The following PMS1 variants were observed in gnomAD, a reference collection of about 807,000 sequenced individuals.
PMS1 encodes the protein PMS1 protein homolog 1.
In PMS1, 79 loss-of-function variants were observed where a neutral mutation model predicts 93.1. The observed-to-expected ratio is 0.85, with a 90% confidence interval of 0.71 to 1.02. The LOEUF (loss-of-function observed/expected upper bound fraction) is 1.02. Ranked by LOEUF, PMS1 falls within the 50% of genes least tolerant of loss-of-function variation. PMS1 has a pLI of 0.00. For missense variants in PMS1, 1,064 were observed against 1,085.3 expected, an observed-to-expected ratio of 0.98 and a Z score of 0.28; for synonymous variants, 335 against 363.4, an observed-to-expected ratio of 0.92 and a Z score of 0.89.
intron 5 of PMS1, among the ~76,000 whole-genome samples, chr2:189,838,533 C>G (rs1399595505): frequency 6.6e-6 from 1 of 152,054 alleles, no homozygotes; most frequent in Non-Finnish European, 1.5e-5. Context: ...TACCACCATT[C>G]CAGTTTCCCA....
At chr2:189,825,199 GA>G (rs781569336) in intron 5 of PMS1, among the ~76,000 whole-genome samples, 6 of 152,130 alleles carry the variant, frequency 3.9e-5, no homozygotes, top group Non-Finnish European at 5.9e-5. Context: ...GGTTATGTTA[GA>G]AAGAGGTATT....
At chr2:189,874,511 G>T (rs2057400088) in intron 12 of PMS1, among the ~76,000 whole-genome samples, 3 of 152,150 alleles carry the variant, frequency 2.0e-5, no homozygotes, top group African/African-American at 7.2e-5. Context: ...ATATAAGATA[G>T]TAGCAGGAAA....
chr2:189,860,800 A>ATTTTTTTTTTTTTTT lies in PMS1; in HGVS notation c.1857-2918_1857-2904dup, dbSNP rs1158514130. On this transcript the variant is annotated intron_variant, in intron 9 of 12. Transcript: ENST00000441310. Reference sequence around the variant, plus strand: ...CTAAAATCTTCTATATCTTTGAGGAATTTTTTTTTTTTTTTTTTTTTTTTT... The same window carrying ATTTTTTTTTTTTTTT: ...CTAAAATCTTCTATATCTTTGAGGAATTTTTTTTTTTTTTTTTTTTTTTTTTTTTTTTTTTTTTTT... 7.3e-5 allele frequency among the ~76,000 whole-genome samples: 3 copies of ATTTTTTTTTTTTTTT among 41,028 alleles called. 1 individual carries two copies. Among genetic ancestry groups the ATTTTTTTTTTTTTTT allele is most frequent in the Non-Finnish European group, 9.3e-5 (2 of 21,488 alleles). 26.9% of individuals were successfully genotyped at this position (41,028 alleles called of 152,430 possible).
intron 3 of PMS1, among the ~76,000 whole-genome samples, chr2:189,798,757 ATTTT>A (rs757864750): frequency 0.014 from 1,088 of 79,918 alleles, 11 homozygotes; most frequent in African/African-American, 0.045. Flanking sequence ...TAAGTATTTG[ATTTT>A]TTTTTTTTTT....
At chr2:189,821,785 G>A (rs1236393912) in intron 5 of PMS1, among the ~76,000 whole-genome samples, 3 of 152,096 alleles carry the variant, frequency 2.0e-5, no homozygotes, top group Non-Finnish European at 4.4e-5. Context: ...CTCCAGCCTG[G>A]GCGACAGAGT....
At chr2:189,786,969 C>G (rs1188893429) in intron 1 of PMS1, among the ~76,000 whole-genome samples, 1 of 152,152 alleles carries the variant, frequency 6.6e-6, no homozygotes, top group African/African-American at 2.4e-5. Context: ...AGGAGAATCG[C>G]TTGAACCCGG....
intron 5 of PMS1, among the ~76,000 whole-genome samples, chr2:189,824,270 C>T (rs5743048): frequency 0.048 from 7,236 of 151,948 alleles, 274 homozygotes; most frequent in African/African-American, 0.1. Flanking sequence ...AAATACAATA[C>T]TGAAACAATA....
intron 3 of PMS1, among the ~76,000 whole-genome samples, chr2:189,800,112 T>G (rs1575059709): frequency 6.6e-6 from 1 of 152,246 alleles, no homozygotes; most frequent in Admixed American, 6.5e-5. Context: ...TGCAGGGTGC[T>G]GCACTAGGTA....
intron 3 of PMS1, among the ~76,000 whole-genome samples, chr2:189,801,168 T>C (rs2049856887): frequency 6.6e-6 from 1 of 152,216 alleles, no homozygotes; most frequent in South Asian, 2.1e-4. Context: ...GGCATTCTTT[T>C]TATATCTGCA....
chr2:189,874,261 AAAT>A (rs1228845512), intron 12 of PMS1, among the ~76,000 whole-genome samples: 2 of 152,202 alleles, frequency 1.3e-5, no homozygotes, highest in African/African-American at 4.8e-5. Flanking sequence ...AACATTTCAT[AAAT>A]AATCCCCTCA....
chr2:189,837,101 A>G (rs1478297225), intron 5 of PMS1, among the ~76,000 whole-genome samples: 4 of 152,060 alleles, frequency 2.6e-5, no homozygotes, highest in Non-Finnish European at 5.9e-5. Flanking sequence ...TTATTTTAAA[A>G]ATGTCAATAT....
At chr2:189,791,015 C>T (rs1314445322) in intron 1 of PMS1, among the ~76,000 whole-genome samples, 1 of 151,298 alleles carries the variant, frequency 6.6e-6, no homozygotes, top group South Asian at 2.1e-4. Context: ...TAATTAGTCA[C>T]ACAAAATCCT....
chr2:189,833,875 A>G (rs1209412523), intron 5 of PMS1, among the ~76,000 whole-genome samples: 1 of 152,214 alleles, frequency 6.6e-6, no homozygotes, highest in Non-Finnish European at 1.5e-5. Context: ...AAAAAATTAT[A>G]GAACTTTCAG....
intron 4 of PMS1, 169 bp downstream of exon 4, chr2:189,805,923 TC>T: frequency 6.6e-7 from 1 of 1,519,536 alleles, no homozygotes; most frequent in Non-Finnish European, 8.8e-7. Flanking sequence ...GCCACCAATT[TC>T]TTAAATATTT....
chr2:189,828,886 T>TG (rs1553570504), intron 5 of PMS1, among the ~76,000 whole-genome samples: 5 of 109,444 alleles, frequency 4.6e-5, no homozygotes, highest in Non-Finnish European at 5.2e-5. Flanking sequence ...AGTGTGTCTC[T>TG]GAAAAAAAAA....
chr2:189,814,307 A>AC lies in PMS1; in HGVS notation c.419-3701dup, dbSNP rs568815215. On this transcript the variant is annotated intron_variant, in intron 4 of 12. Transcript: ENST00000441310. ...ATGCTCTATATAAAAATAGAGGAAGACCCCCCCCCAAAAAAAAATCATTAG... is the reference window on the plus strand; with the variant it reads ...ATGCTCTATATAAAAATAGAGGAAGACCCCCCCCCCAAAAAAAAATCATTAG... Among the ~76,000 whole-genome samples, 978 of 146,428 alleles carry AC rather than the reference A, an allele frequency of 6.7e-3. 6 individuals are homozygous for AC. The highest frequency in any genetic ancestry group is 0.016 in the African/African-American group (627 of 39,838).
chr2:189,863,923 T>A lies in PMS1; in HGVS notation c.2037T>A (p.Asp679Glu). The A allele has an allele frequency of 1.2e-6, 2 of 1,613,096 alleles. No individual in the cohort carries two copies. Among genetic ancestry groups the A allele is most frequent in the Non-Finnish European group, 1.7e-6 (2 of 1,179,168 alleles). ...CATTATCTAATCAACCAAAACTTGA[T>A]GAACTCCTTCAGTCCCAAATTGAAA... ...KTSLSNQPKL[D>E]ELLQSQIEKR... The change falls in exon 10 of 13, where the codon GAT becomes GAA. Residue 679 changes from aspartate to glutamate, a missense_variant. Physicochemically the swap from Asp to Glu is conservative, Grantham distance 45. Transcript: ENST00000441310.
chr2:189,860,585 T>G lies in PMS1; in HGVS notation c.1857-3158T>G, dbSNP rs1402674809. On this transcript the variant is annotated intron_variant, in intron 9 of 12. Transcript: ENST00000441310. ...TTTTCCGGATATTTTATTTCTAATTTAAGTGTTTCATGGATAGAGAAAATG... is the reference window on the plus strand; with the variant it reads ...TTTTCCGGATATTTTATTTCTAATTGAAGTGTTTCATGGATAGAGAAAATG... Among the ~76,000 whole-genome samples the G allele has an allele frequency of 2.0e-5, 3 of 152,036 alleles. No individual in the cohort carries two copies. In the East Asian group the frequency reaches 5.8e-4, roughly 29 times the overall value.
Position 189,826,120 on chromosome 2 carries a change from C to T in PMS1, c.582+7940C>T, listed in dbSNP as rs548143098. 1.1e-3 allele frequency among the ~76,000 whole-genome samples: 167 copies of T among 152,268 alleles called. 1 individual carries two copies. The highest frequency in any genetic ancestry group is 1.9e-3 in the Non-Finnish European group (132 of 68,014). On this transcript the variant is annotated intron_variant, in intron 5 of 12. Coordinates refer to ENST00000441310, the MANE Select transcript of PMS1 (RefSeq NM_000534.5). The stretch of plus-strand genomic sequence containing the variant: ...CATTTTATCCTTCTCTAACCTTTTA[C>T]GTGATCATCTTGAATGTCCCAGGTT...
Sources: gnomAD v4.1 joint callset for allele counts (sites outside exome capture counted in the v4.1 genomes callset) on GRCh38, gnomAD v4.1.1 for gene constraint, MANE v1.5 for transcripts, NCBI Gene and HGNC (gene_info 2026-07-23, HGNC 2026-07-21) for gene names.